KIF26B: variants seen among roughly 807,000 people sequenced by gnomAD.
The protein encoded by KIF26B is kinesin family member 26B.
KIF26B carries 63 observed loss-of-function variants against 151.2 expected under a neutral mutation model. The ratio of observed to expected loss-of-function variants is 0.42; its 90% CI spans 0.34 to 0.51. KIF26B has a LOEUF of 0.51. Ranked by LOEUF, KIF26B falls within the 20% of genes least tolerant of loss-of-function variation. KIF26B has a pLI of 0.07. For missense variants in KIF26B, 2,813 were observed against 2,913.6 expected (o/e 0.97, Z 0.79); for synonymous variants, 1,357 against 1,262.1 (o/e 1.08, Z -1.59).
chr1:245,283,430 T>A (rs1044069862), intron 2 of KIF26B, among the ~76,000 whole-genome samples: 2 of 152,128 alleles, frequency 1.3e-5, no homozygotes, highest in Non-Finnish European at 2.9e-5. Context: ...CACCATCTGT[T>A]TTTTTCTTTT....
In KIF26B at chr1:245,306,210, C is replaced by A. The variant is rs541054710; in HGVS notation, c.466-60624C>A. ...GCATGATCTATATAATGGAATATTA[C>A]TTGGCAGTGAAAAGGAATGAAGTGT... On this transcript the variant is annotated intron_variant, in intron 2 of 14. Transcript: ENST00000407071. Among the ~76,000 whole-genome samples the A allele has an allele frequency of 2.0e-5, 3 of 152,204 alleles. No homozygotes were observed. In the East Asian group the frequency reaches 5.8e-4, roughly 29 times the overall value.
chr1:245,362,311 G>A (rs965388261), intron 2 of KIF26B, among the ~76,000 whole-genome samples: 3 of 147,270 alleles, frequency 2.0e-5, no homozygotes, highest in Non-Finnish European at 3.0e-5. Context: ...GGCAGATCAC[G>A]AGGTCAAGAG....
At chr1:245,157,351 C>T (rs1198688120) in intron 2 of KIF26B, among the ~76,000 whole-genome samples, 1 of 152,232 alleles carries the variant, frequency 6.6e-6, no homozygotes, top group Non-Finnish European at 1.5e-5. Flanking sequence ...TGTATTTGCA[C>T]TGTTGGGTCC....
intron 5 of KIF26B, among the ~76,000 whole-genome samples, chr1:245,551,617 C>G (rs1339939138): frequency 6.6e-6 from 1 of 152,178 alleles, no homozygotes; most frequent in Non-Finnish European, 1.5e-5. Flanking sequence ...AATAACGCAC[C>G]ATTTGCATGT....
chr1:245,636,860 T>TTGTGTGTGTGTG lies in KIF26B; in HGVS notation c.2099-9249_2099-9238dup, dbSNP rs34722448. 2.4e-3 allele frequency among the ~76,000 whole-genome samples: 363 copies of TTGTGTGTGTGTG among 149,290 alleles called. 2 individuals carry two copies. Among genetic ancestry groups the TTGTGTGTGTGTG allele is most frequent in the African/African-American group, 8.0e-3 (326 of 40,908 alleles). On this transcript the variant is annotated intron_variant, in intron 9 of 14. Transcript: ENST00000407071. ...ATTTTTATGGCTGAATAATATTCCA[T>TTGTGTGTGTGTG]TGTGTGTGTGTGTGTGTGTGTGTAT...
In KIF26B at chr1:245,563,046, T is replaced by A. The variant is rs2042971337; in HGVS notation, c.1350+22096T>A. Among the ~76,000 whole-genome samples the A allele has an allele frequency of 6.6e-6, 1 of 152,098 alleles. No individual in the cohort carries two copies. Among genetic ancestry groups the A allele is most frequent in the African/African-American group, 2.4e-5 (1 of 41,408 alleles). On this transcript the variant is annotated intron_variant, in intron 5 of 14. Coordinates refer to ENST00000407071, the MANE Select transcript of KIF26B (RefSeq NM_018012.4). This position sits in a 1 kb window ranked among gnomAD's most constrained non-coding sequence, Gnocchi z 4.6. ...CTTTTAATCTTTGCATCCTGCCACC[T>A]CCCCAGCACAGCCAGCATAGGAGCC...
intron 2 of KIF26B, among the ~76,000 whole-genome samples, chr1:245,203,596 C>T (rs910643393): frequency 2.6e-5 from 4 of 152,204 alleles, no homozygotes; most frequent in East Asian, 1.9e-4. Context: ...ATTGCCACAC[C>T]GCTAGCATTT....
intron 9 of KIF26B, among the ~76,000 whole-genome samples, chr1:245,642,977 C>T (rs12070640): frequency 0.11 from 16,013 of 152,140 alleles, 1,112 homozygotes; most frequent in African/African-American, 0.19. Flanking sequence ...TGCCTCTCTG[C>T]GGGTCTTAGC....
intron 2 of KIF26B, among the ~76,000 whole-genome samples, chr1:245,181,313 G>C (rs1170740069): frequency 6.6e-6 from 1 of 152,118 alleles, no homozygotes; most frequent in Non-Finnish European, 1.5e-5. Flanking sequence ...AGAAGGCGGC[G>C]TGTTCTGTTG....
intron 4 of KIF26B, among the ~76,000 whole-genome samples, chr1:245,528,777 T>G (rs2103095399): frequency 6.6e-6 from 1 of 152,300 alleles, no homozygotes; most frequent in African/African-American, 2.4e-5. Flanking sequence ...TATGAATGGT[T>G]GCTGTGGCTT....
intron 2 of KIF26B, among the ~76,000 whole-genome samples, chr1:245,209,038 G>A (rs1669461218): frequency 6.6e-6 from 1 of 152,180 alleles, no homozygotes; most frequent in South Asian, 2.1e-4. Context: ...AGTCCCTTGA[G>A]GTCAAGGATC....
intron 2 of KIF26B, among the ~76,000 whole-genome samples, chr1:245,292,869 G>A (rs1368210360): frequency 6.6e-6 from 1 of 152,170 alleles, no homozygotes; most frequent in Non-Finnish European, 1.5e-5. Flanking sequence ...AACATCTGCA[G>A]CCACCCTCTG....
rs1715777 is a variant in KIF26B, at chr1:245,564,643, T to C, written c.1350+23693T>C. On this transcript the variant is annotated intron_variant, in intron 5 of 14. Transcript: ENST00000407071. This position sits in a 1 kb window ranked among gnomAD's most constrained non-coding sequence, Gnocchi z 4.6. ...ACATGTCACCTCCCAGCACAGCAAA[T>C]GGCACAGACTCGAGGGAATGTTTTC... 0.16 allele frequency among the ~76,000 whole-genome samples: 24,375 copies of C among 152,066 alleles called. 3,141 individuals are homozygous for C. The highest frequency in any genetic ancestry group is 0.34 in the African/African-American group (14,035 of 41,426).
In KIF26B at chr1:245,232,612, G is replaced by A. The variant is rs139300044; in HGVS notation, c.465+75929G>A. The stretch of plus-strand genomic sequence containing the variant: ...GTTGCGCAGGCAGGAGTACAGTGGT[G>A]CGATCTCAGCTCACCGCAACCTCTG... On this transcript the variant is annotated intron_variant, in intron 2 of 14. Coordinates refer to ENST00000407071, the MANE Select transcript of KIF26B (RefSeq NM_018012.4). Among the ~76,000 whole-genome samples the A allele has an allele frequency of 7.8e-4, 116 of 149,618 alleles. 1 individual carries two copies. The highest frequency in any genetic ancestry group is 2.6e-3 in the African/African-American group (105 of 40,538).
intron 4 of KIF26B, among the ~76,000 whole-genome samples, chr1:245,462,977 G>A (rs1315805446): frequency 1.3e-5 from 2 of 152,146 alleles, no homozygotes; most frequent in Admixed American, 6.5e-5. Context: ...CCTACGAGAT[G>A]CACACACAGA....
intron 10 of KIF26B, among the ~76,000 whole-genome samples, chr1:245,647,603 A>T (rs2043966470): frequency 6.6e-6 from 1 of 152,118 alleles, no homozygotes; most frequent in African/African-American, 2.4e-5. Context: ...AACTAAATAT[A>T]TGTGGATTCA....
intron 2 of KIF26B, among the ~76,000 whole-genome samples, chr1:245,193,507 TTAAA>T (rs1669144120): frequency 1.3e-5 from 2 of 152,242 alleles, no homozygotes; most frequent in African/African-American, 4.8e-5. Flanking sequence ...GCTTTCCTTT[TTAAA>T]TAACCTTTTT....
Position 245,239,754 on chromosome 1 carries a change from C to A in KIF26B, c.465+83071C>A, listed in dbSNP as rs554441606. 6.6e-6 allele frequency among the ~76,000 whole-genome samples: 1 copy of A among 152,190 alleles called. No homozygotes were observed. Among genetic ancestry groups the A allele is most frequent in the Non-Finnish European group, 1.5e-5 (1 of 67,998 alleles). ...TCCTGACCTCAGGTGATCTGGCCTC[C>A]CAGAGTGCTGGGATTACAGGCATGA... On this transcript the variant is annotated intron_variant, in intron 2 of 14. Coordinates refer to ENST00000407071, the MANE Select transcript of KIF26B (RefSeq NM_018012.4). This position sits in a 1 kb window ranked among gnomAD's most constrained non-coding sequence, Gnocchi z 4.3.
At chr1:245,648,494 G>A (rs1481414381) in intron 10 of KIF26B, among the ~76,000 whole-genome samples, 1 of 151,948 alleles carries the variant, frequency 6.6e-6, no homozygotes, top group African/African-American at 2.4e-5. Context: ...AATTAACCGG[G>A]CATGGTGTTG....
Sources: allele counts gnomAD v4.1 joint callset (sites outside exome capture counted in the v4.1 genomes callset), GRCh38; gene constraint gnomAD v4.1.1; non-coding constraint Gnocchi (gnomAD v3.1); transcripts MANE v1.5; gene names NCBI Gene and HGNC (gene_info 2026-07-23, HGNC 2026-07-21).